Variants in ZNF25 observed in about 807,000 individuals in gnomAD.
ZNF25 encodes the protein zinc finger protein 25.
A neutral mutation model predicts 30.9 loss-of-function variants in ZNF25; 21 were observed. That is an observed-to-expected ratio of 0.68 (90% CI 0.48 to 0.98). The LOEUF is 0.98. ZNF25 is among the 50% of genes least tolerant of loss of function. ZNF25 has a pLI of 0.00. For missense variants in ZNF25, 501 were observed against 529.9 expected (o/e 0.95, Z 0.54); for synonymous variants, 169 against 181.3 (o/e 0.93, Z 0.55).
In ZNF25 at chr10:37,952,451, T is replaced by C. The variant is rs2062205723; in HGVS notation, c.1047A>G (p.Lys349=). 1.2e-6 allele frequency: 2 copies of C among 1,613,864 alleles called. No individual in the cohort carries two copies. Among genetic ancestry groups the C allele is most frequent in the African/African-American group, 1.3e-5 (1 of 74,870 alleles). ...TGAGGTCTGATTTATAGTAAAATGT[T>C]TTCCCACATTTATTACATTCAAAGG... ...EKPFECNKCG[K]TFYYKSDLTK... Residue 349 remains lysine, a synonymous_variant, in exon 6 of 6, where the codon AAA becomes AAG. Transcript: ENST00000302609.
At chr10:37,966,855 A>G (rs1159302381) in intron 2 of ZNF25, among the ~76,000 whole-genome samples, 1 of 152,228 alleles carries the variant, frequency 6.6e-6, no homozygotes, top group Non-Finnish European at 1.5e-5. Flanking sequence ...TTTATCAAAC[A>G]TCACTTTAAA....
At chr10:37,972,630 A>T (rs2135451617) in intron 1 of ZNF25, among the ~76,000 whole-genome samples, 1 of 152,310 alleles carries the variant, frequency 6.6e-6, no homozygotes, top group Non-Finnish European at 1.5e-5. Context: ...ACAGTTAATC[A>T]TCATAATTCT....
intron 4 of ZNF25, among the ~76,000 whole-genome samples, chr10:37,955,540 T>C (rs532488028): frequency 6.6e-6 from 1 of 152,294 alleles, no homozygotes; most frequent in African/African-American, 2.4e-5. Context: ...AGGGCAAAGA[T>C]GCTGGAGAGG....
intron 2 of ZNF25, among the ~76,000 whole-genome samples, chr10:37,967,494 G>A (rs2063251261): frequency 6.6e-6 from 1 of 151,336 alleles, no homozygotes; most frequent in Non-Finnish European, 1.5e-5. Context: ...ACTGCAGCCT[G>A]GACCTCCCCA....
Position 37,952,098 on chromosome 10 carries a change from A to T in ZNF25, c.*29T>A. The T allele has an allele frequency of 6.6e-7, 1 of 1,525,872 alleles. No homozygotes were observed. The highest frequency in any genetic ancestry group is 1.3e-5 in the South Asian group (1 of 76,068). 94.5% of individuals were successfully genotyped at this position (1,525,872 alleles called of 1,614,324 possible). A position where few individuals can be genotyped will look rare whatever the true frequency, so the allele number is the denominator to read the frequency against. On this transcript the variant is annotated 3_prime_UTR_variant, in exon 6 of 6. Coordinates refer to ENST00000302609, the MANE Select transcript of ZNF25 (RefSeq NM_145011.4). ...ATTATCTGATTGTTTTGAAGGATTA[A>T]TTCAGTCAAGAGAATTTCCCAACTC...
At chr10:37,965,233 A>T (rs907251900) in intron 2 of ZNF25, among the ~76,000 whole-genome samples, 1 of 152,068 alleles carries the variant, frequency 6.6e-6, no homozygotes, top group African/African-American at 2.4e-5. Flanking sequence ...AGAAACTACT[A>T]GGGCAATGTT....
rs139580770 is a variant in ZNF25, at chr10:37,976,530, C to G, written c.-110G>C. ...CCTGCAGGGTCTCGGCCTCTGCTCC[C>G]GGCCCGCGCCGGGCCCAGGCCCCGC... is the stretch of plus-strand genomic sequence containing the variant. On this transcript the variant is annotated 5_prime_UTR_variant, in exon 1 of 6. Coordinates refer to ENST00000302609, the MANE Select transcript of ZNF25 (RefSeq NM_145011.4). The G allele has an allele frequency of 6.5e-3, 990 of 152,586 alleles. 12 individuals are homozygous for G. The highest frequency in any genetic ancestry group is 0.054 in the South Asian group (262 of 4,840). 9.5% of individuals were successfully genotyped at this position (152,586 alleles called of 1,614,324 possible).
chr10:37,960,390 G>T (rs1193966834), intron 2 of ZNF25, among the ~76,000 whole-genome samples: 1 of 150,970 alleles, frequency 6.6e-6, no homozygotes. Context: ...TGAGGCGGGC[G>T]GATCACGAGG....
chr10:37,957,256 G>C lies in ZNF25; in HGVS notation c.143-141C>G, dbSNP rs865999303. 2.2e-5 allele frequency: 27 copies of C among 1,243,138 alleles called. No homozygotes were observed. The Admixed American group carries it at 4.8e-4, about 22-fold the overall frequency. 77.0% of individuals were successfully genotyped at this position (1,243,138 alleles called of 1,614,324 possible). A position where few individuals can be genotyped will look rare whatever the true frequency, so the allele number is the denominator to read the frequency against. On this transcript the variant is annotated intron_variant, in intron 3 of 5. Transcript: ENST00000302609. ...TTTAGATTCTTTCAGCGGGGAGAGA[G>C]GGACACAAATATTTTTTCTAGTACC...
intron 2 of ZNF25, among the ~76,000 whole-genome samples, chr10:37,968,471 T>G (rs2063311762): frequency 6.6e-6 from 1 of 151,962 alleles, no homozygotes; most frequent in Non-Finnish European, 1.5e-5. Context: ...TTCTCCTGCC[T>G]CAGCCTCCCA....
intron 2 of ZNF25, 24 bp downstream of exon 2, chr10:37,971,684 G>T: frequency 6.2e-7 from 1 of 1,608,544 alleles, no homozygotes; most frequent in Non-Finnish European, 8.5e-7. Flanking sequence ...GTGAAACAAA[G>T]TTAGGGCTAA....
chr10:37,958,829 C>T (rs1367058904), intron 2 of ZNF25, among the ~76,000 whole-genome samples: 1 of 152,046 alleles, frequency 6.6e-6, no homozygotes, highest in African/African-American at 2.4e-5. Flanking sequence ...AGGTGGATAA[C>T]CTGAAGGCAG....
Position 37,952,552 on chromosome 10 carries a change from A to G in ZNF25, c.946T>C (p.Cys316Arg), listed in dbSNP as rs1325923318. The G allele has an allele frequency of 1.9e-6, 3 of 1,613,524 alleles. No homozygotes were observed. The Admixed American group carries it at 5.0e-5, about 27-fold the overall frequency. ...TAGAAGCATTTCCTACATTCCTTAC[A>G]TTCATAGGGTTTCTCTCCTGTGTGA... Reference protein sequence around the residue: ...RSHTGEKPYECKECRKCFYQK... With the variant: ...RSHTGEKPYERKECRKCFYQK... Residue 316 changes from cysteine (C) to arginine (R), a missense_variant, in exon 6 of 6, where the codon TGT (cysteine) becomes CGT (arginine). Transcript: ENST00000302609.
intron 2 of ZNF25, among the ~76,000 whole-genome samples, chr10:37,959,916 TTTG>T (rs535023064): frequency 2.6e-5 from 4 of 151,694 alleles, no homozygotes; most frequent in African/African-American, 4.8e-5. Context: ...AACCGGTTTT[TTTG>T]TTGTTGTTGT....
At position 37,950,636 on chromosome 10, in the gene ZNF25, G is replaced by A. The variant is rs1377468671; in HGVS notation, c.*1491C>T. 2.0e-5 allele frequency: 3 copies of A among 151,160 alleles called. No homozygotes were observed. Among genetic ancestry groups the A allele is most frequent in the African/African-American group, 7.3e-5 (3 of 41,040 alleles). 9.4% of individuals were successfully genotyped at this position (151,160 alleles called of 1,614,324 possible). ...TGATAACCTCTAACATATAGCTCTT[G>A]TGTCTCAGACACTATTCTAAGTGCT... is the stretch of plus-strand genomic sequence containing the variant. On this transcript the variant is annotated 3_prime_UTR_variant, in exon 6 of 6. Coordinates refer to ENST00000302609, the MANE Select transcript of ZNF25 (RefSeq NM_145011.4).
chr10:37,966,810 T>C (rs556316056), intron 2 of ZNF25, among the ~76,000 whole-genome samples: 16 of 152,178 alleles, frequency 1.1e-4, no homozygotes, highest in Non-Finnish European at 2.2e-4. Flanking sequence ...ATATAAAGTA[T>C]GTTGAAGAAA....
chr10:37,957,572 T>G, intron 2 of ZNF25, 26 bp from the exon 3 acceptor site: 1 of 1,607,428 alleles, frequency 6.2e-7, no homozygotes, highest in South Asian at 1.1e-5. Flanking sequence ...TCAGTTCAAT[T>G]TGAAGTAACC....
At chr10:37,970,421 A>C (rs1482743837) in intron 2 of ZNF25, among the ~76,000 whole-genome samples, 2 of 152,208 alleles carry the variant, frequency 1.3e-5, no homozygotes, top group Non-Finnish European at 2.9e-5. Flanking sequence ...AAAATTCAAG[A>C]TCCATTCATG....
chr10:37,956,995 T>C (rs780217274), intron 4 of ZNF25, 25 bp downstream of exon 4: 3 of 1,576,710 alleles, frequency 1.9e-6, no homozygotes, highest in East Asian at 2.2e-5. Context: ...ACCAGTAACA[T>C]GGGATATAAT....
Sources: allele counts gnomAD v4.1 joint callset (sites outside exome capture counted in the v4.1 genomes callset), GRCh38; gene constraint gnomAD v4.1.1; transcripts MANE v1.5; gene names NCBI Gene and HGNC (gene_info 2026-07-23, HGNC 2026-07-21).